PDE4D: variants seen among roughly 807,000 people sequenced by gnomAD.
PDE4D encodes the protein 3',5'-cyclic-AMP phosphodiesterase 4D.
In PDE4D, 24 loss-of-function variants were observed where a neutral mutation model predicts 87.4. That is an observed-to-expected ratio of 0.27 (90% CI 0.20 to 0.39). PDE4D has a LOEUF of 0.39. Ranked by LOEUF, PDE4D falls within the 10% of genes least tolerant of loss-of-function variation. The pLI is 1.00. For synonymous variants in PDE4D, 384 were observed against 383.2 expected (o/e 1.00, Z -0.02); for missense variants, 714 against 1,041.0 (o/e 0.69, Z 4.32).
chr5:59,043,245 C>A (rs779702034), intron 5 of PDE4D, among the ~76,000 whole-genome samples: 2 of 152,150 alleles, frequency 1.3e-5, no homozygotes, highest in Non-Finnish European at 2.9e-5. Context: ...CAGCTGAGGT[C>A]GGGCACAGTG....
At chr5:59,842,111 G>A (rs2152708527) in intron 1 of PDE4D, among the ~76,000 whole-genome samples, 1 of 152,172 alleles carries the variant, frequency 6.6e-6, no homozygotes. Flanking sequence ...TGGTTTCCAG[G>A]TGGAACATGC....
At chr5:59,373,996 C>A (rs1351145239) in intron 1 of PDE4D, among the ~76,000 whole-genome samples, 1 of 152,112 alleles carries the variant, frequency 6.6e-6, no homozygotes, top group Non-Finnish European at 1.5e-5. Context: ...TTGTTACCAC[C>A]AGACATGCCT....
At chr5:59,685,361 T>C (rs1749678042) in intron 1 of PDE4D, among the ~76,000 whole-genome samples, 1 of 152,230 alleles carries the variant, frequency 6.6e-6, no homozygotes, top group South Asian at 2.1e-4. Flanking sequence ...CAGCCAACTT[T>C]AGACATACTA....
At chr5:59,632,429 C>A (rs1009594422) in intron 1 of PDE4D, among the ~76,000 whole-genome samples, 2 of 152,210 alleles carry the variant, frequency 1.3e-5, no homozygotes, top group African/African-American at 4.8e-5. Flanking sequence ...TGGCCCCTGA[C>A]CCCTGTGCCT....
intron 1 of PDE4D, among the ~76,000 whole-genome samples, chr5:59,547,700 T>C: frequency 6.6e-6 from 1 of 152,212 alleles, no homozygotes; most frequent in East Asian, 1.9e-4. Context: ...TCTTCACATA[T>C]GACCATTTTT....
intron 6 of PDE4D, among the ~76,000 whole-genome samples, chr5:58,998,217 A>C (rs1259939093): frequency 6.6e-6 from 1 of 152,160 alleles, no homozygotes; most frequent in East Asian, 1.9e-4. Flanking sequence ...AAAGCTGTCC[A>C]GGAAAAATTT....
chr5:59,492,189 A>T (rs1806339390), intron 1 of PDE4D, among the ~76,000 whole-genome samples: 1 of 152,324 alleles, frequency 6.6e-6, no homozygotes, highest in East Asian at 1.9e-4. Flanking sequence ...AAAACCTTGA[A>T]TACAAGTATC....
At chr5:59,053,362 TACACACACACACACACACACACACACAC>T (rs57805618) in intron 5 of PDE4D, among the ~76,000 whole-genome samples, 1 of 142,072 alleles carries the variant, frequency 7.0e-6, no homozygotes, top group African/African-American at 2.6e-5. Flanking sequence ...TGGGTGTACA[TACACACACACACACACACACACACACAC>T]ACACACACAC....
At chr5:59,087,671 T>C (rs939741726) in intron 5 of PDE4D, among the ~76,000 whole-genome samples, 11 of 152,188 alleles carry the variant, frequency 7.2e-5, no homozygotes, top group African/African-American at 1.9e-4. Flanking sequence ...TAACATTTCT[T>C]AGCAGTTCCT....
chr5:60,183,133 G>A (rs1021906041), intron 2 of PDE4D, among the ~76,000 whole-genome samples: 3 of 152,078 alleles, frequency 2.0e-5, no homozygotes, highest in Non-Finnish European at 2.9e-5. Context: ...AGTAGCTTTC[G>A]GCAAGCCATC....
At chr5:59,133,601 T>C (rs1349482363) in intron 5 of PDE4D, among the ~76,000 whole-genome samples, 1 of 152,182 alleles carries the variant, frequency 6.6e-6, no homozygotes, top group Non-Finnish European at 1.5e-5. Flanking sequence ...TAGGTCCTGT[T>C]TGTGGCCTCC....
intron 5 of PDE4D, among the ~76,000 whole-genome samples, chr5:59,111,034 T>C (rs1005701468): frequency 6.6e-6 from 1 of 152,202 alleles, no homozygotes; most frequent in Admixed American, 6.5e-5. Context: ...ATTTGAACTA[T>C]GTCAAAAAGT....
chr5:60,227,546 G>C (rs1356959077), intron 1 of PDE4D, among the ~76,000 whole-genome samples: 1 of 144,058 alleles, frequency 6.9e-6, no homozygotes, highest in Non-Finnish European at 1.5e-5. Context: ...GAGGAGGAGA[G>C]GAAGGGTAGA....
chr5:60,448,362 T>C (rs1745817875), intron 1 of PDE4D, among the ~76,000 whole-genome samples: 1 of 152,190 alleles, frequency 6.6e-6, no homozygotes, highest in South Asian at 2.1e-4. Flanking sequence ...TGGAACAGAA[T>C]GTTATTAGTT....
intron 2 of PDE4D, among the ~76,000 whole-genome samples, chr5:60,016,140 A>G (rs1355724581): frequency 6.6e-6 from 1 of 152,150 alleles, no homozygotes; most frequent in Non-Finnish European, 1.5e-5. Context: ...CCACTGCAAT[A>G]AAGCAAATAT....
chr5:59,988,810 T>A, intron 2 of PDE4D: 2 of 642,592 alleles, frequency 3.1e-6, no homozygotes, highest in Non-Finnish European at 2.6e-6. Context: ...GGAAAGAAAT[T>A]AAGTAAAATG....
At chr5:59,668,754 GA>G (rs1462599076) in intron 1 of PDE4D, among the ~76,000 whole-genome samples, 10 of 137,106 alleles carry the variant, frequency 7.3e-5, no homozygotes, top group Non-Finnish European at 1.2e-4. Context: ...AGAAGAAGAA[GA>G]AAGAAGAAAG....
chr5:59,801,371 C>A (rs1581171973), intron 1 of PDE4D, among the ~76,000 whole-genome samples: 1 of 152,102 alleles, frequency 6.6e-6, no homozygotes, highest in East Asian at 1.9e-4. Context: ...ATAAAATGGA[C>A]TTACATTAGA....
At chr5:60,247,105 T>C (rs1422961297) in intron 1 of PDE4D, among the ~76,000 whole-genome samples, 1 of 151,944 alleles carries the variant, frequency 6.6e-6, no homozygotes, top group Non-Finnish European at 1.5e-5. Flanking sequence ...TTTTTTTCAG[T>C]CCTTTCCATT....
Sources: gnomAD v4.1 joint callset for allele counts (sites outside exome capture counted in the v4.1 genomes callset) on GRCh38, gnomAD v4.1.1 for gene constraint, MANE v1.5 for transcripts, NCBI Gene and HGNC (gene_info 2026-07-23, HGNC 2026-07-21) for gene names.